Variants in BRINP1 observed in about 807,000 individuals in gnomAD.
BRINP1 encodes the protein BMP/retinoic acid inducible neural specific 1, also known as BMP/retinoic acid-inducible neural-specific protein 1.
In BRINP1, 17 loss-of-function variants were observed where a neutral mutation model predicts 72.9. The ratio of observed to expected loss-of-function variants is 0.23; its 90% CI spans 0.16 to 0.35. BRINP1 has a LOEUF of 0.35. Ranked by LOEUF, BRINP1 falls within the 10% of genes least tolerant of loss-of-function variation. The pLI is 1.00. For missense variants in BRINP1, 850 were observed against 1,001.6 expected (o/e 0.85, Z 2.04); for synonymous variants, 418 against 378.5 (o/e 1.10, Z -1.21).
At chr9:119,224,685 C>G (rs1318808307) in intron 5 of BRINP1, among the ~76,000 whole-genome samples, 1 of 152,018 alleles carries the variant, frequency 6.6e-6, no homozygotes, top group Middle Eastern at 3.2e-3. Flanking sequence ...AAAGGTGCAG[C>G]CTTTTTTCAG....
At chr9:119,231,121 A>C (rs1474148793) in intron 5 of BRINP1, among the ~76,000 whole-genome samples, 2 of 152,156 alleles carry the variant, frequency 1.3e-5, no homozygotes, top group African/African-American at 4.8e-5. Context: ...ACACATCATC[A>C]ATAATAAAAA....
At chr9:119,206,233 C>T (rs138328384) in intron 7 of BRINP1, among the ~76,000 whole-genome samples, 2,823 of 151,736 alleles carry the variant, frequency 0.019, 84 homozygotes, top group African/African-American at 0.064. Flanking sequence ...CTGGCCCATA[C>T]GGCAAAACTC....
At chr9:119,359,851 T>C (rs1448748645) in intron 1 of BRINP1, among the ~76,000 whole-genome samples, 1 of 152,216 alleles carries the variant, frequency 6.6e-6, no homozygotes, top group Non-Finnish European at 1.5e-5. Flanking sequence ...ATATGTCACA[T>C]GCTTGGCACA....
chr9:119,348,362 G>C (rs1018317388), intron 1 of BRINP1, among the ~76,000 whole-genome samples: 2 of 152,100 alleles, frequency 1.3e-5, no homozygotes, highest in African/African-American at 4.8e-5. Context: ...TTTACCTATT[G>C]AAGGATATCT....
chr9:119,212,815 C>T (rs891683272), intron 6 of BRINP1, among the ~76,000 whole-genome samples: 7 of 152,160 alleles, frequency 4.6e-5, no homozygotes, highest in South Asian at 2.1e-4. Context: ...ACATGGTCTT[C>T]TTTCCAAATC....
intron 6 of BRINP1, among the ~76,000 whole-genome samples, chr9:119,209,193 C>T (rs1035316503): frequency 2.6e-5 from 4 of 152,160 alleles, no homozygotes; most frequent in Admixed American, 6.5e-5. Flanking sequence ...CTTCTGGCGT[C>T]GGAATACCAA....
chr9:119,279,804 T>A (rs943030444), intron 2 of BRINP1, among the ~76,000 whole-genome samples: 12 of 152,310 alleles, frequency 7.9e-5, no homozygotes, highest in African/African-American at 2.9e-4. Flanking sequence ...TCATGCCAAT[T>A]TATTATTTAA....
intron 6 of BRINP1, 24 bp downstream of exon 6, chr9:119,213,895 G>A: frequency 6.3e-7 from 1 of 1,585,522 alleles, no homozygotes; most frequent in Non-Finnish European, 8.7e-7. Context: ...CACTCATGCA[G>A]TGGCACTGAG....
chr9:119,241,678 A>G (rs944031154), intron 4 of BRINP1, among the ~76,000 whole-genome samples: 1 of 152,310 alleles, frequency 6.6e-6, no homozygotes, highest in African/African-American at 2.4e-5. Flanking sequence ...AGGCATCAGT[A>G]ATCTAATCGC....
chr9:119,261,874 C>T (rs2118935843), intron 2 of BRINP1, among the ~76,000 whole-genome samples: 1 of 150,284 alleles, frequency 6.7e-6, no homozygotes, highest in South Asian at 2.1e-4. Flanking sequence ...CTCTCTTTCC[C>T]TCCTCCTTCT....
intron 7 of BRINP1, among the ~76,000 whole-genome samples, chr9:119,178,179 AACTC>A (rs567051175): frequency 6.6e-6 from 1 of 152,264 alleles, no homozygotes; most frequent in Non-Finnish European, 1.5e-5. Flanking sequence ...CATCTGTGTT[AACTC>A]ACTCACAGAT....
At chr9:119,241,172 C>A (rs542418121) in intron 4 of BRINP1, among the ~76,000 whole-genome samples, 1 of 152,296 alleles carries the variant, frequency 6.6e-6, no homozygotes, top group Non-Finnish European at 1.5e-5. Flanking sequence ...TAAACTTAAA[C>A]AATGAGCTCC....
rs748207687 is a variant in BRINP1, at chr9:119,168,161, C to A, written c.1209G>T (p.Trp403Cys). ...SLLYCNENGF[W>C]GTFLESQRSC... ...TCCGCTGGCTCTCCAGGAAGGTTCCCCAAAACCCATTCTCATTACAGTAGA... is the reference window on the plus strand; with the variant it reads ...TCCGCTGGCTCTCCAGGAAGGTTCCACAAAACCCATTCTCATTACAGTAGA... Residue 403 changes from tryptophan to cysteine, a missense_variant, in exon 8 of 8, where the codon TGG becomes TGT. Physicochemically the swap from Trp to Cys is radical, Grantham distance 215. Coordinates refer to ENST00000265922, the MANE Select transcript of BRINP1 (RefSeq NM_014618.3). 1.0e-5 allele frequency: 16 copies of A among 1,581,972 alleles called. No individual in the cohort carries two copies. The South Asian group carries it at 1.6e-4, about 16-fold the overall frequency.
intron 7 of BRINP1, among the ~76,000 whole-genome samples, chr9:119,187,816 AAATT>A (rs1829640453): frequency 6.6e-6 from 1 of 152,232 alleles, no homozygotes; most frequent in Non-Finnish European, 1.5e-5. Context: ...TAATTCAATA[AAATT>A]AATAAAACTT....
At chr9:119,254,295 C>T (rs1018708231) in intron 2 of BRINP1, among the ~76,000 whole-genome samples, 10 of 152,132 alleles carry the variant, frequency 6.6e-5, no homozygotes, top group Non-Finnish European at 1.0e-4. Context: ...GAGGAGGCTG[C>T]GATGTCCAGA....
chr9:119,361,772 C>T (rs886363586), intron 1 of BRINP1, among the ~76,000 whole-genome samples: 1 of 150,250 alleles, frequency 6.7e-6, no homozygotes, highest in Non-Finnish European at 1.5e-5. Context: ...AGGTGTGCAC[C>T]ATTACGCCCA....
intron 1 of BRINP1, among the ~76,000 whole-genome samples, chr9:119,364,176 G>T (rs931405808): frequency 2.0e-5 from 3 of 152,096 alleles, no homozygotes; most frequent in African/African-American, 4.8e-5. Context: ...AAAGAAAACT[G>T]TTGTGAAATA....
chr9:119,277,847 CCTA>C (rs1830671917), intron 2 of BRINP1, among the ~76,000 whole-genome samples: 1 of 152,096 alleles, frequency 6.6e-6, no homozygotes, highest in Non-Finnish European at 1.5e-5. Context: ...GGAAGTCCAT[CCTA>C]TCTTCCACTC....
At chr9:119,177,540 C>G (rs967229875) in intron 7 of BRINP1, among the ~76,000 whole-genome samples, 2 of 152,144 alleles carry the variant, frequency 1.3e-5, no homozygotes, top group African/African-American at 4.8e-5. Context: ...AGTGACAGGA[C>G]AGTACCCCAT....
Sources: gnomAD v4.1 joint callset for allele counts (sites outside exome capture counted in the v4.1 genomes callset) on GRCh38, gnomAD v4.1.1 for gene constraint, MANE v1.5 for transcripts, NCBI Gene and HGNC (gene_info 2026-07-23, HGNC 2026-07-21) for gene names.